TMEFF2: variants seen among roughly 807,000 people sequenced by gnomAD.
The protein encoded by TMEFF2 is tomoregulin-2.
A neutral mutation model predicts 53.8 loss-of-function variants in TMEFF2; 28 were observed. That is an observed-to-expected ratio of 0.52 (90% CI 0.39 to 0.71). TMEFF2 has a LOEUF of 0.71. TMEFF2 is among the 30% of genes least tolerant of loss of function. The pLI is 0.00. For missense variants in TMEFF2, 353 were observed against 455.2 expected (o/e 0.78, Z 2.04); for synonymous variants, 162 against 166.3 (o/e 0.97, Z 0.20).
intron 4 of TMEFF2, among the ~76,000 whole-genome samples, chr2:192,140,682 A>G (rs1033662322): frequency 1.3e-5 from 2 of 152,208 alleles, no homozygotes. Flanking sequence ...ATTGGCATGT[A>G]GAAGAAAAAA....
In TMEFF2 at chr2:192,128,547, C is replaced by T. The variant is rs16834232; in HGVS notation, c.439+51121G>A. Among the ~76,000 whole-genome samples, 878 of 152,168 alleles carry T rather than the reference C, an allele frequency of 5.8e-3. 8 individuals carry two copies. The highest frequency in any genetic ancestry group is 0.02 in the African/African-American group (826 of 41,486). On this transcript the variant is annotated intron_variant, in intron 4 of 9. Transcript: ENST00000272771. The stretch of plus-strand genomic sequence containing the variant: ...GAACATCAGAACAAGTGAAGTGTTG[C>T]CTTCTTATCGCAAGAAAAGAGTAGA...
chr2:192,085,107 G>C (rs1252482850), intron 4 of TMEFF2, among the ~76,000 whole-genome samples: 2 of 152,136 alleles, frequency 1.3e-5, no homozygotes, highest in African/African-American at 4.8e-5. Context: ...TGAAGTGCTT[G>C]GAGAATCAGA....
intron 4 of TMEFF2, among the ~76,000 whole-genome samples, chr2:192,066,603 A>T (rs1171740127): frequency 2.0e-5 from 3 of 151,898 alleles, no homozygotes; most frequent in Admixed American, 1.3e-4. Context: ...ATATTAATGA[A>T]AAATAATTTA....
chr2:192,171,585 T>C (rs1203291605), intron 4 of TMEFF2, among the ~76,000 whole-genome samples: 1 of 152,004 alleles, frequency 6.6e-6, no homozygotes, highest in Non-Finnish European at 1.5e-5. Flanking sequence ...AAGCATCTTC[T>C]CACTCATTTT....
At chr2:192,036,616 C>T (rs1214136875) in intron 5 of TMEFF2, 2 of 152,154 alleles carry the variant, frequency 1.3e-5, no homozygotes, top group African/African-American at 4.8e-5. Flanking sequence ...ATTGAGCCTC[C>T]TCATGAAGGC....
At chr2:192,142,206 T>C (rs1037828630) in intron 4 of TMEFF2, among the ~76,000 whole-genome samples, 3 of 152,270 alleles carry the variant, frequency 2.0e-5, no homozygotes, top group Middle Eastern at 3.4e-3. Context: ...AGGTATCATA[T>C]GTTTGTTACA....
chr2:192,037,301 G>GAAAGAAAGAA (rs1687332000), intron 5 of TMEFF2, among the ~76,000 whole-genome samples: 1 of 143,716 alleles, frequency 7.0e-6, no homozygotes, highest in African/African-American at 2.7e-5. Context: ...AAGAAAGAAA[G>GAAAGAAAGAA]AAAGAAAGAA....
intron 4 of TMEFF2, among the ~76,000 whole-genome samples, chr2:192,067,911 A>G (rs138590441): frequency 0.01 from 1,575 of 152,020 alleles, 16 homozygotes; most frequent in Non-Finnish European, 0.017. Flanking sequence ...CCTTCTAACT[A>G]GCTGATTTCT....
At chr2:192,171,232 C>T (rs1487890512) in intron 4 of TMEFF2, among the ~76,000 whole-genome samples, 1 of 151,994 alleles carries the variant, frequency 6.6e-6, no homozygotes, top group Non-Finnish European at 1.5e-5. Context: ...TCAATATACT[C>T]AATAAAGGAC....
intron 4 of TMEFF2, among the ~76,000 whole-genome samples, chr2:192,115,018 T>G (rs1381309640): frequency 2.0e-5 from 3 of 151,996 alleles, no homozygotes; most frequent in African/African-American, 7.2e-5. Flanking sequence ...CTACCCAAAG[T>G]GATCTACAGA....
In TMEFF2 at chr2:192,184,366, A is replaced by T. The variant is rs780663752; in HGVS notation, c.400T>A (p.Ser134Thr). The T allele has an allele frequency of 1.2e-6, 2 of 1,613,182 alleles. No individual in the cohort carries two copies. The highest frequency in any genetic ancestry group is 2.2e-5 in the South Asian group (2 of 91,044). ...QSEILVVSEG[S>T]CATDAGSGSG... ...ATCACACACATACCTGTGGCACATG[A>T]TCCTTCTGACACCACAAGTATCTCA... Residue 134 changes from serine to threonine, a missense_variant, in exon 3 of 10, where the codon TCA becomes ACA. Ser to Thr is a moderately conservative substitution (Grantham distance 58). Coordinates refer to ENST00000272771, the MANE Select transcript of TMEFF2 (RefSeq NM_016192.4).
intron 4 of TMEFF2, among the ~76,000 whole-genome samples, chr2:192,142,924 A>G (rs1690170883): frequency 6.6e-6 from 1 of 152,186 alleles, no homozygotes; most frequent in African/African-American, 2.4e-5. Flanking sequence ...ATCCCAAACT[A>G]GTTGCTGACA....
intron 4 of TMEFF2, among the ~76,000 whole-genome samples, chr2:192,064,081 T>G (rs912691563): frequency 9.2e-5 from 14 of 151,850 alleles, no homozygotes; most frequent in African/African-American, 3.4e-4. Flanking sequence ...TTGATTCATA[T>G]TTGACCAATC....
chr2:192,181,005 T>G (rs1409121704), intron 3 of TMEFF2, among the ~76,000 whole-genome samples: 1 of 151,822 alleles, frequency 6.6e-6, no homozygotes, highest in African/African-American at 2.4e-5. Flanking sequence ...TAAAGGCAAG[T>G]TAATTGGTAA....
chr2:192,093,595 T>C (rs138689381), intron 4 of TMEFF2, among the ~76,000 whole-genome samples: 56 of 152,296 alleles, frequency 3.7e-4, no homozygotes, highest in African/African-American at 1.3e-3. Context: ...AAGATATTTC[T>C]ATCCTCTTTC....
chr2:191,952,881 C>G (rs1009667065), intron 9 of TMEFF2, among the ~76,000 whole-genome samples: 2 of 152,236 alleles, frequency 1.3e-5, no homozygotes, highest in African/African-American at 4.8e-5. Context: ...TGGTGAAAAT[C>G]TTAAAAACTT....
At position 192,080,594 on chromosome 2, in the gene TMEFF2, A is replaced by G. The variant is rs1245206604; in HGVS notation, c.440-22819T>C. ...ACGTTTGTGAGGCTTGTGTTGAGGTAGAGAGAGTAAGTCAATTTGATATTT... is the reference window on the plus strand; with the variant it reads ...ACGTTTGTGAGGCTTGTGTTGAGGTGGAGAGAGTAAGTCAATTTGATATTT... On this transcript the variant is annotated intron_variant, in intron 4 of 9. Transcript: ENST00000272771. Among the ~76,000 whole-genome samples, 3 of 152,248 alleles carry G rather than the reference A, an allele frequency of 2.0e-5. 1 individual carries two copies. Among genetic ancestry groups the G allele is most frequent in the Admixed American group, 1.3e-4 (2 of 15,286 alleles).
chr2:192,164,729 A>G (rs75478070), intron 4 of TMEFF2, among the ~76,000 whole-genome samples: 2 of 72,170 alleles, frequency 2.8e-5, no homozygotes, highest in African/African-American at 4.6e-5. Flanking sequence ...TTCGTCTCAA[A>G]AAAAAAAAAA....
intron 4 of TMEFF2, among the ~76,000 whole-genome samples, chr2:192,171,470 C>A (rs1180845822): frequency 1.3e-5 from 2 of 152,078 alleles, no homozygotes; most frequent in African/African-American, 4.8e-5. Flanking sequence ...TTACAACATT[C>A]TCCTCTCCTT....
Sources: allele counts gnomAD v4.1 joint callset (sites outside exome capture counted in the v4.1 genomes callset), GRCh38; gene constraint gnomAD v4.1.1; transcripts MANE v1.5; gene names NCBI Gene and HGNC (gene_info 2026-07-23, HGNC 2026-07-21).